Variants in TMOD2 observed in about 807,000 individuals in gnomAD.
The protein encoded by TMOD2 is tropomodulin-2.
TMOD2 carries 22 observed loss-of-function variants against 39.9 expected under a neutral mutation model. The observed-to-expected ratio is 0.55, with a 90% CI of 0.39 to 0.79. TMOD2 has a LOEUF of 0.79. TMOD2 is among the 30% of genes least tolerant of loss of function. The pLI, the probability that TMOD2 is intolerant of heterozygous loss-of-function variation, is 0.00. For missense variants in TMOD2, 386 were observed against 413.3 expected (o/e 0.93, Z 0.57); for synonymous variants, 123 against 146.1 (o/e 0.84, Z 1.14).
At chr15:51,805,122 C>A (rs1054147311) in intron 8 of TMOD2, among the ~76,000 whole-genome samples, 2 of 151,886 alleles carry the variant, frequency 1.3e-5, no homozygotes, top group African/African-American at 4.8e-5. Flanking sequence ...CCATGCCCAG[C>A]AAATTTTTTG....
At chr15:51,799,359 T>C (rs1036496479) in intron 8 of TMOD2, among the ~76,000 whole-genome samples, 21 of 152,170 alleles carry the variant, frequency 1.4e-4, no homozygotes, top group African/African-American at 4.6e-4. Flanking sequence ...CAAGATCTGA[T>C]AAAGCCGCAG....
At chr15:51,763,811 A>G (rs1393747835) in intron 1 of TMOD2, among the ~76,000 whole-genome samples, 2 of 152,214 alleles carry the variant, frequency 1.3e-5, no homozygotes, top group Non-Finnish European at 2.9e-5. Context: ...TGCTGCTGGG[A>G]CAACAGTAAT....
rs1188282892 is a variant in TMOD2, at chr15:51,763,595, T to A, written c.-69-2778T>A. Among the ~76,000 whole-genome samples the A allele has an allele frequency of 6.6e-5, 10 of 152,234 alleles. No homozygotes were observed. The South Asian group carries it at 2.1e-3, about 32-fold the overall frequency. ...CTCACTCTGTAATTATGTGGAACTG[T>A]CCTAATCTGGGCCTCTCTTCAGGAG... On this transcript the variant is annotated intron_variant, in intron 1 of 9. Coordinates refer to ENST00000249700, the MANE Select transcript of TMOD2 (RefSeq NM_014548.4).
At chr15:51,796,094 T>TATTTTTG (rs10642715) in intron 7 of TMOD2, among the ~76,000 whole-genome samples, 71,962 of 151,232 alleles carry the variant, frequency 0.48, 17,340 homozygotes, top group Admixed American at 0.54. Flanking sequence ...TCCCTGTTTA[T>TATTTTTG]AATGGAGAGC....
At chr15:51,759,034 T>C (rs1478630973) in intron 1 of TMOD2, among the ~76,000 whole-genome samples, 1 of 152,022 alleles carries the variant, frequency 6.6e-6, no homozygotes, top group African/African-American at 2.4e-5. Context: ...AGAAGAGTTG[T>C]TTAACTCTGT....
rs368843297 is a variant in TMOD2, at chr15:51,798,371, A to G, written c.876+31A>G. On this transcript the variant is annotated intron_variant, in intron 8 of 9. Transcript: ENST00000249700. ...GAAGGCCAGAGAATAGGCAAAGTCA[A>G]CTCACAGGGTGTGCAGTGAGCGGGG... 3.1e-6 allele frequency: 5 copies of G among 1,611,740 alleles called. No homozygotes were observed. The African/African-American group carries it at 6.7e-5, about 22-fold the overall frequency.
chr15:51,766,204 C>T (rs2141616925), intron 1 of TMOD2, among the ~76,000 whole-genome samples, 169 bp from the exon 2 acceptor site: 1 of 152,318 alleles, frequency 6.6e-6, no homozygotes, highest in Middle Eastern at 3.4e-3. Context: ...TATGTGAAAA[C>T]ACTTTGTAAG....
intron 7 of TMOD2, chr15:51,784,017 C>A (rs1250735255): frequency 1.3e-5 from 2 of 152,190 alleles, no homozygotes; most frequent in Non-Finnish European, 2.9e-5. Flanking sequence ...AGCATCTCAT[C>A]CATTTGTCAC....
intron 3 of TMOD2, among the ~76,000 whole-genome samples, chr15:51,773,220 G>A (rs1433675186): frequency 6.6e-6 from 1 of 152,190 alleles, no homozygotes; most frequent in African/African-American, 2.4e-5. Flanking sequence ...CTAGAGGCAG[G>A]CTCAGGGCTC....
In TMOD2 at chr15:51,768,132, G is replaced by T; in HGVS notation, c.127-130G>T. The stretch of plus-strand genomic sequence containing the variant: ...GGCGTCCCAGAGCCCCCAGCCCTCA[G>T]CTCACACGCACATTCTGCGTAGGTA... On this transcript the variant is annotated intron_variant, in intron 2 of 9. Coordinates refer to ENST00000249700, the MANE Select transcript of TMOD2 (RefSeq NM_014548.4). 5 of 1,063,430 alleles carry T rather than the reference G, an allele frequency of 4.7e-6. No homozygotes were observed. In the South Asian group the frequency reaches 7.4e-5, roughly 16 times the overall value. 65.9% of individuals were successfully genotyped at this position (1,063,430 alleles called of 1,614,324 possible). A position where few individuals can be genotyped will look rare whatever the true frequency, so the allele number is the denominator to read the frequency against.
At chr15:51,776,893 C>A (rs774716965) in intron 4 of TMOD2, 39 bp from the exon 5 acceptor site, 4 of 1,530,342 alleles carry the variant, frequency 2.6e-6, no homozygotes, top group Non-Finnish European at 3.6e-6. Context: ...TCCTAATGTG[C>A]TTCTCCAAAC....
intron 1 of TMOD2, 55 bp from the exon 2 acceptor site, chr15:51,766,318 A>G: frequency 1.2e-6 from 1 of 839,600 alleles, no homozygotes; most frequent in South Asian, 2.1e-5. Context: ...CCTGTTAATA[A>G]GTCCTGTTTA....
At chr15:51,787,133 G>A (rs2055976143) in intron 7 of TMOD2, among the ~76,000 whole-genome samples, 3 of 151,850 alleles carry the variant, frequency 2.0e-5, no homozygotes, top group South Asian at 4.1e-4. Context: ...CAAATACCGC[G>A]CTTTTTCCAC....
chr15:51,775,570 CTTTTTTTTTTTT>C (rs869308022), intron 4 of TMOD2, among the ~76,000 whole-genome samples: 1 of 81,210 alleles, frequency 1.2e-5, no homozygotes, highest in East Asian at 4.0e-4. Flanking sequence ...ATTCTTTTTC[CTTTTTTTTTTTT>C]TTTTTTTTTT....
chr15:51,754,617 T>G (rs755544967), intron 1 of TMOD2, among the ~76,000 whole-genome samples: 2 of 152,234 alleles, frequency 1.3e-5, no homozygotes, highest in African/African-American at 2.4e-5. Context: ...TGCATGAATG[T>G]CTGTGTGTAC....
intron 3 of TMOD2, among the ~76,000 whole-genome samples, chr15:51,770,480 C>A (rs2034858): frequency 0.48 from 72,563 of 151,888 alleles, 17,615 homozygotes; most frequent in Admixed American, 0.54. Flanking sequence ...ACATGGGTTC[C>A]AGTGAATGGC....
rs746345679 is a variant in TMOD2 at position 51,768,332 on chromosome 15, G to A, written c.197G>A (p.Arg66His). The part of the protein sequence containing the change: ...TQKAATGPFD[R>H]EHLLMYLEKE... ...AAGGCAGCCACCGGCCCCTTTGACC[G>A]CGAGCACCTCCTCATGTACCTGGAG... The change falls in exon 3 of 10, where the codon CGC becomes CAC. Residue 66 changes from arginine to histidine, a missense_variant. By Grantham distance (29) the Arg-to-His change is conservative (BLOSUM62 0). Transcript: ENST00000249700. 3.7e-5 allele frequency: 60 copies of A among 1,614,048 alleles called. No individual in the cohort carries two copies. The highest frequency in any genetic ancestry group is 4.3e-5 in the Non-Finnish European group (51 of 1,180,026).
At chr15:51,801,237 T>TCTCTCTCACACA (rs1491214017) in intron 8 of TMOD2, among the ~76,000 whole-genome samples, 3 of 102,106 alleles carry the variant, frequency 2.9e-5, no homozygotes, top group Non-Finnish European at 5.7e-5. Context: ...TCTCTCTCTC[T>TCTCTCTCACACA]CACACACACA....
rs1212725030 is a variant in TMOD2 at position 51,812,884 on chromosome 15, T to C, written c.*4430T>C. The C allele has an allele frequency of 6.6e-6, 1 of 152,208 alleles. No individual in the cohort carries two copies. The highest frequency in any genetic ancestry group is 1.5e-5 in the Non-Finnish European group (1 of 68,054). 9.4% of individuals were successfully genotyped at this position (152,208 alleles called of 1,614,324 possible). On this transcript the variant is annotated 3_prime_UTR_variant, in exon 10 of 10. Coordinates refer to ENST00000249700, the MANE Select transcript of TMOD2 (RefSeq NM_014548.4). ...CTTGCAGCTTCCCTTTACCTCCTCTTATTGCTTTCATCTCAAATATCCCTG... is the reference window on the plus strand; with the variant it reads ...CTTGCAGCTTCCCTTTACCTCCTCTCATTGCTTTCATCTCAAATATCCCTG...
Sources: allele counts gnomAD v4.1 joint callset (sites outside exome capture counted in the v4.1 genomes callset), GRCh38; gene constraint gnomAD v4.1.1; transcripts MANE v1.5; gene names NCBI Gene and HGNC (gene_info 2026-07-23, HGNC 2026-07-21).